The following CKAP2 variants were observed in gnomAD, a reference collection of about 807,000 sequenced individuals.
CKAP2 encodes cytoskeleton-associated protein 2.
Under a neutral mutation model 58.4 loss-of-function variants are expected in CKAP2, and 46 were observed. That is an observed-to-expected ratio of 0.79 (90% CI 0.62 to 1.01). The LOEUF (loss-of-function observed/expected upper bound fraction) is 1.01, where lower values mean the gene tolerates loss of function less well. Ranked by LOEUF, CKAP2 falls within the 50% of genes least tolerant of loss-of-function variation. CKAP2 has a pLI of 0.00. For synonymous variants in CKAP2, 293 were observed against 280.9 expected, an observed-to-expected ratio of 1.04 and a Z score of -0.43; for missense variants, 809 against 796.4, an observed-to-expected ratio of 1.02 and a Z score of -0.19.
At chr13:52,456,399 T>C (rs950791363) in intron 1 of CKAP2, 124 bp from the exon 2 acceptor site, 14 of 810,230 alleles carry the variant, frequency 1.7e-5, no homozygotes, top group African/African-American at 3.4e-5. Flanking sequence ...TTTTCTGTTA[T>C]ATAGATGTGA....
At chr13:52,457,725 G>A (rs1027435990) in intron 2 of CKAP2, among the ~76,000 whole-genome samples, 4 of 152,144 alleles carry the variant, frequency 2.6e-5, no homozygotes, top group Middle Eastern at 3.2e-3. Flanking sequence ...ATGGTGGTGG[G>A]TGCTTGTAAT....
chr13:52,458,194 C>T (rs568422417), intron 2 of CKAP2, among the ~76,000 whole-genome samples: 28 of 151,972 alleles, frequency 1.8e-4, no homozygotes, highest in African/African-American at 5.1e-4. Context: ...TGGTGATAAC[C>T]GTATACTGAA....
chr13:52,470,508 TCTAGGTTGAA>T (rs1958747967), intron 7 of CKAP2, among the ~76,000 whole-genome samples: 2 of 152,052 alleles, frequency 1.3e-5, no homozygotes, highest in African/African-American at 4.8e-5. Context: ...GATGTAGAGA[TCTAGGTTGAA>T]GGGCTAAACC....
intron 4 of CKAP2, among the ~76,000 whole-genome samples, 172 bp downstream of exon 4, chr13:52,462,098 G>A (rs1958595323): frequency 6.6e-6 from 1 of 152,256 alleles, no homozygotes; most frequent in African/African-American, 2.4e-5. Flanking sequence ...TTGTGTTTGA[G>A]TATGTTTTAT....
At chr13:52,467,851 C>A (rs1958703693) in intron 6 of CKAP2, among the ~76,000 whole-genome samples, 2 of 151,250 alleles carry the variant, frequency 1.3e-5, no homozygotes, top group Non-Finnish European at 2.9e-5. Context: ...ACTCTCTCGC[C>A]CAGGCTAGAG....
chr13:52,465,920 C>CATATATATACACAT (rs1566102065), intron 6 of CKAP2: 4 of 323,000 alleles, frequency 1.2e-5, no homozygotes, highest in Non-Finnish European at 2.4e-5. Flanking sequence ...TATATACACA[C>CATATATATACACAT]ATATATATAC....
rs1958792757 is a variant in CKAP2, at chr13:52,473,936, C to A, written c.1654C>A (p.Leu552Ile). The change falls in exon 8 of 9, where the codon CTT becomes ATT. Residue 552 changes from leucine to isoleucine, a missense_variant. Leu to Ile is a conservative substitution (Grantham distance 5). Coordinates refer to ENST00000258607, the MANE Select transcript of CKAP2 (RefSeq NM_018204.5). ...AGAAAAACTGGAAATGGAGAGTAAACTTCATAGAAATTTGCTATTTCAAGA... is the reference window on the plus strand; with the variant it reads ...AGAAAAACTGGAAATGGAGAGTAAAATTCATAGAAATTTGCTATTTCAAGA... ...DPEKLEMESK[L>I]HRNLLFQDCE... 1 of 1,613,882 alleles carries A rather than the reference C, an allele frequency of 6.2e-7. No homozygotes were observed. The highest frequency in any genetic ancestry group is 8.5e-7 in the Non-Finnish European group (1 of 1,179,980).
chr13:52,465,534 A>G (rs1249921101), intron 6 of CKAP2, 69 bp downstream of exon 6: 1 of 1,373,360 alleles, frequency 7.3e-7, no homozygotes, highest in Non-Finnish European at 1.0e-6. Context: ...TTTGAAACAC[A>G]TCACAACATA....
In CKAP2 at chr13:52,474,069, C is replaced by T. The variant is rs138265024; in HGVS notation, c.1787C>T (p.Thr596Met). ...SCLIKYNVST[T>M]PYLQSVKKKV... The stretch of plus-strand genomic sequence containing the variant: ...TTAATTAAATATAATGTGTCTACTA[C>T]GCCATACTTGCAAAGGTAAACTTTT... The change falls in exon 8 of 9, where the codon ACG becomes ATG. Residue 596 changes from threonine to methionine, a missense_variant. Physicochemically the swap from Thr to Met is moderately conservative, Grantham distance 81. Coordinates refer to ENST00000258607, the MANE Select transcript of CKAP2 (RefSeq NM_018204.5). 2.4e-5 allele frequency: 38 copies of T among 1,610,062 alleles called. No homozygotes were observed. Among genetic ancestry groups the T allele is most frequent in the African/African-American group, 1.9e-4 (14 of 74,646 alleles).
rs541582612 is a variant in CKAP2, at chr13:52,462,393, A to G, written c.1131A>G (p.Lys377=). The stretch of plus-strand genomic sequence containing the variant: ...GTCTGAGTGAGTGGAAAGCTGGCAA[A>G]GGAAGAGTGCTAAAAAGGCCCCCTA... ...KARLSEWKAG[K]GRVLKRPPNS... is the part of the protein sequence containing the mutation. The change falls in exon 5 of 9, where the codon AAA becomes AAG. Residue 377 remains lysine (K), a synonymous_variant. Transcript: ENST00000258607. 1 of 1,614,146 alleles carries G rather than the reference A, an allele frequency of 6.2e-7. No individual in the cohort carries two copies. Among genetic ancestry groups the G allele is most frequent in the African/African-American group, 1.3e-5 (1 of 75,062 alleles).
chr13:52,458,820 G>A (rs1173997959), intron 2 of CKAP2, among the ~76,000 whole-genome samples: 3 of 150,742 alleles, frequency 2.0e-5, no homozygotes, highest in African/African-American at 7.4e-5. Context: ...TCAGGCCATC[G>A]CACTCCAGCC....
chr13:52,469,468 A>G (rs964868439), intron 7 of CKAP2, among the ~76,000 whole-genome samples: 1 of 152,248 alleles, frequency 6.6e-6, no homozygotes, highest in Non-Finnish European at 1.5e-5. Flanking sequence ...CCAGTCATAA[A>G]AACATTTTAA....
intron 2 of CKAP2, among the ~76,000 whole-genome samples, chr13:52,460,601 C>T (rs58160036): frequency 8.1e-5 from 12 of 148,518 alleles, no homozygotes; most frequent in Middle Eastern, 3.4e-3. Context: ...TACAAGCGCC[C>T]GCCACCATGC....
chr13:52,468,481 G>T lies in CKAP2; in HGVS notation c.1546+134G>T. The T allele has an allele frequency of 5.1e-6, 3 of 585,874 alleles. No homozygotes were observed. In the South Asian group the frequency reaches 6.4e-5, roughly 12 times the overall value. The allele number at this position is 585,874 out of a possible 1,614,324, so 36.3% of individuals were successfully genotyped here. On this transcript the variant is annotated intron_variant, in intron 7 of 8. Transcript: ENST00000258607. ...TGTTACAAAGGTAAATGTGTGTCAT[G>T]GGGGTTTGTTGTACAGATTATTTTA...
At chr13:52,463,852 A>C (rs1181813828) in intron 5 of CKAP2, among the ~76,000 whole-genome samples, 1 of 152,152 alleles carries the variant, frequency 6.6e-6, no homozygotes, top group Non-Finnish European at 1.5e-5. Context: ...TTCTGGATAA[A>C]TGCTGCTCTA....
At position 52,474,993 on chromosome 13, in the gene CKAP2, C is replaced by G. The variant is rs915845848; in HGVS notation, c.1901C>G (p.Thr634Ser). ...CGTTCTCGACGTCTTCAAGAGAAAA[C>G]TTCTAAATTGCCAGATATGTTAAAA... is the stretch of plus-strand genomic sequence containing the variant. The part of the protein sequence containing the change: ...VRRSRRLQEK[T>S]SKLPDMLKDH... The change falls in exon 9 of 9, where the codon ACT becomes AGT. Residue 634 changes from threonine to serine, a missense_variant. This residue lies in a region of CKAP2 where 283 missense variants were observed against 287.6 expected (regional missense o/e 0.98). Coordinates refer to ENST00000258607, the MANE Select transcript of CKAP2 (RefSeq NM_018204.5). The G allele has an allele frequency of 1.9e-6, 3 of 1,614,176 alleles. No homozygotes were observed. The highest frequency in any genetic ancestry group is 2.7e-5 in the African/African-American group (2 of 75,048).
intron 6 of CKAP2, among the ~76,000 whole-genome samples, chr13:52,466,778 G>T (rs1001965079): frequency 1.3e-5 from 2 of 152,092 alleles, no homozygotes; most frequent in East Asian, 3.9e-4. Flanking sequence ...TTTGAGTCCA[G>T]CCTGGGCAAC....
chr13:52,456,068 T>C lies in CKAP2; in HGVS notation c.70+442T>C, dbSNP rs911923642. 4 of 1,022,768 alleles carry C rather than the reference T, an allele frequency of 3.9e-6. No homozygotes were observed. In the African/African-American group the frequency reaches 6.9e-5, roughly 18 times the overall value. The allele number at this position is 1,022,768 out of a possible 1,614,324, so 63.4% of individuals were successfully genotyped here. A position where few individuals can be genotyped will look rare whatever the true frequency, so the allele number is the denominator to read the frequency against. On this transcript the variant is annotated intron_variant, in intron 1 of 8. Coordinates refer to ENST00000258607, the MANE Select transcript of CKAP2 (RefSeq NM_018204.5). ...TTATTTCCAATTTCACAGCTTCTCC[T>C]TCGACTTTATGGAAACCGAGGGTTG... is the stretch of plus-strand genomic sequence containing the variant.
chr13:52,472,574 T>C (rs1958774815), intron 7 of CKAP2, among the ~76,000 whole-genome samples: 1 of 152,194 alleles, frequency 6.6e-6, no homozygotes, highest in South Asian at 2.1e-4. Context: ...GAACTCTTTG[T>C]CTGCCCTCAC....
Sources: gnomAD v4.1 joint callset for allele counts (sites outside exome capture counted in the v4.1 genomes callset) on GRCh38, gnomAD v4.1.1 for gene constraint, gnomAD v4.1.1 regional missense constraint, MANE v1.5 for transcripts, NCBI Gene and HGNC (gene_info 2026-07-23, HGNC 2026-07-21) for gene names.